The following LAMA5 variants were observed in gnomAD, a reference collection of about 807,000 sequenced individuals.
LAMA5 encodes laminin subunit alpha-5.
In LAMA5, 260 loss-of-function variants were observed where a neutral mutation model predicts 433.4. The ratio of observed to expected loss-of-function variants is 0.60; its 90% CI spans 0.54 to 0.66. LAMA5 has a LOEUF of 0.66. LAMA5 is among the 30% of genes least tolerant of loss of function. The pLI, the probability that LAMA5 is intolerant of heterozygous loss-of-function variation, is 0.00. For synonymous variants in LAMA5, 2,620 were observed against 2,226.6 expected, an observed-to-expected ratio of 1.18 and a Z score of -4.97; for missense variants, 5,378 against 5,258.5, an observed-to-expected ratio of 1.02 and a Z score of -0.70.
At chr20:62,320,090 G>A (rs1601309323) in intron 50 of LAMA5, among the ~76,000 whole-genome samples, 2 of 152,160 alleles carry the variant, frequency 1.3e-5, no homozygotes, top group Middle Eastern at 3.4e-3. Context: ...AGGCTGAGAT[G>A]GGCAGATCAC....
chr20:62,336,875 C>T, intron 16 of LAMA5, 89 bp from the exon 17 acceptor site: 5 of 1,340,120 alleles, frequency 3.7e-6, no homozygotes, highest in Non-Finnish European at 5.2e-6. Flanking sequence ...ACCCACGGTC[C>T]CACAGGAGCT....
chr20:62,343,115 CG>C (rs912231820), intron 11 of LAMA5, among the ~76,000 whole-genome samples: 35 of 152,316 alleles, frequency 2.3e-4, no homozygotes, highest in African/African-American at 8.2e-4. Context: ...CTCATGAATA[CG>C]CGTTCTATGG....
chr20:62,315,184 G>A lies in LAMA5; in HGVS notation c.7891C>T (p.His2631Tyr), dbSNP rs2146064384. ...DTDETSKKIA[H>Y]AKAVAAEAQD... ...GCTTCAGCAGCCACAGCCTTGGCAT[G>A]TGCGATCTTCTTGCTTGTCTCGTCT... The change falls in exon 59 of 80, where the codon CAT becomes TAT. Residue 2631 changes from histidine to tyrosine, a missense_variant. His to Tyr is a moderately conservative substitution (Grantham distance 83, BLOSUM62 2). Transcript: ENST00000252999. The A allele has an allele frequency of 6.2e-7, 1 of 1,609,526 alleles. No individual in the cohort carries two copies. The highest frequency in any genetic ancestry group is 8.5e-7 in the Non-Finnish European group (1 of 1,178,554).
rs761887962 is a variant in LAMA5 at position 62,310,897 on chromosome 20, C to T, written c.10281+5G>A. ...CCCACCACCTTCCTTCTTCTCGGCC[C>T]TCACCTTGTGCCAGCGGCCAGGCCG... On this transcript the variant is annotated splice_donor_5th_base_variant and intron_variant, in intron 74 of 79. Transcript: ENST00000252999. 1.5e-5 allele frequency: 24 copies of T among 1,609,866 alleles called. No homozygotes were observed. In the East Asian group the frequency reaches 4.7e-4, roughly 31 times the overall value.
chr20:62,355,898 C>G (rs1244434466), intron 2 of LAMA5, among the ~76,000 whole-genome samples: 1 of 152,154 alleles, frequency 6.6e-6, no homozygotes, highest in Non-Finnish European at 1.5e-5. Context: ...CCCCTCCCAC[C>G]AAAGGCTCCG....
Position 62,323,529 on chromosome 20 carries a change from G to A in LAMA5, c.5991C>T (p.His1997=), listed in dbSNP as rs893085724. 8 of 1,581,158 alleles carry A rather than the reference G, an allele frequency of 5.1e-6. No homozygotes were observed. The Middle Eastern group carries it at 6.7e-4, about 132-fold the overall frequency. ...AGATCTCGCAGCGGGGCCCAGTGGT[G>A]TGGCGCAGGCAGCCACGGCAGGCGC... ...LTGACRGCLR[H]TTGPRCEICA... is the part of the protein sequence containing the mutation. Residue 1997 remains histidine, a synonymous_variant, in exon 45 of 80, where the codon CAC becomes CAT. Transcript: ENST00000252999.
In LAMA5 at chr20:62,322,246, T is replaced by A. The variant is rs761984155; in HGVS notation, c.6346+23A>T. On this transcript the variant is annotated intron_variant, in intron 47 of 79. Transcript: ENST00000252999. ...CCCACTCAGAAGTCCCCATCCGCCC[T>A]CCTGTGACCGGCCAGCACTCACGCC... The A allele has an allele frequency of 3.8e-6, 6 of 1,571,628 alleles. No individual in the cohort carries two copies. In the South Asian group the frequency reaches 6.9e-5, roughly 18 times the overall value.
chr20:62,324,050 G>T lies in LAMA5; in HGVS notation c.5768+30C>A. ...GGGTGAAGGGAGCCTGGCACCATCAGGGCCTCGTCCCGGGAGGAGGCTGGC... is the reference window on the plus strand; with the variant it reads ...GGGTGAAGGGAGCCTGGCACCATCATGGCCTCGTCCCGGGAGGAGGCTGGC... On this transcript the variant is annotated intron_variant, in intron 43 of 79. Coordinates refer to ENST00000252999, the MANE Select transcript of LAMA5 (RefSeq NM_005560.6). This position sits in a 1 kb window ranked among gnomAD's most constrained non-coding sequence, Gnocchi z 4.4. The T allele has an allele frequency of 6.7e-7, 1 of 1,487,708 alleles. No individual in the cohort carries two copies. Among genetic ancestry groups the T allele is most frequent in the Non-Finnish European group, 8.9e-7 (1 of 1,121,658 alleles). The allele number at this position is 1,487,708 out of a possible 1,614,324, so 92.2% of individuals were successfully genotyped here.
At position 62,338,070 on chromosome 20, in the gene LAMA5, C is replaced by T. The variant is rs1472373472; in HGVS notation, c.1837G>A (p.Gly613Arg). ...GRCLCQPEFA[G>R]PHCDRCRPGY... Reference sequence around the variant, plus strand: ...GGGCGGCACCGGTCACAATGAGGTCCAGCAAACTCAGGCTGGCATAGGCAG... The same window carrying T: ...GGGCGGCACCGGTCACAATGAGGTCTAGCAAACTCAGGCTGGCATAGGCAG... The change falls in exon 14 of 80, where the codon GGA (glycine) becomes AGA (arginine). Residue 613 changes from glycine to arginine, a missense_variant. Gly to Arg is a moderately radical substitution (Grantham distance 125, BLOSUM62 -2). Transcript: ENST00000252999. 6 of 1,606,006 alleles carry T rather than the reference C, an allele frequency of 3.7e-6. No individual in the cohort carries two copies. The highest frequency in any genetic ancestry group is 1.3e-5 in the African/African-American group (1 of 74,932).
Position 62,328,900 on chromosome 20 carries a change from A to T in LAMA5, c.4391T>A (p.Ile1464Asn), listed in dbSNP as rs1008760665. The T allele has an allele frequency of 6.2e-7, 1 of 1,611,776 alleles. No individual in the cohort carries two copies. The highest frequency in any genetic ancestry group is 1.3e-5 in the African/African-American group (1 of 74,926). ...GGCACAGCGGGAGCAGTCACGGCCA[A>T]TGACATGGGCATGGCAGGGACACTG... Reference protein sequence around the residue: ...GGQCPCHAHVIGRDCSRCATG... With the variant: ...GGQCPCHAHVNGRDCSRCATG... The change falls in exon 34 of 80, where the codon ATT becomes AAT. Residue 1464 changes from isoleucine (I) to asparagine (N), a missense_variant. Transcript: ENST00000252999.
Position 62,320,639 on chromosome 20 carries a change from G to GGCGGGGGCC in LAMA5, c.6670_6678dup (p.Gly2224_Arg2226dup), listed in dbSNP as rs770156081. The stretch of plus-strand genomic sequence containing the variant: ...ACCTCCAGCTGCTGTGCCGTCTCAT[G>GGCGGGGGCC]GCGGGGGCCCAGGGGGCTCCGGAGC... On this transcript the variant is annotated inframe_insertion, in exon 50 of 80. Coordinates refer to ENST00000252999, the MANE Select transcript of LAMA5 (RefSeq NM_005560.6). 26 of 1,609,582 alleles carry GGCGGGGGCC rather than the reference G, an allele frequency of 1.6e-5. No homozygotes were observed. Among genetic ancestry groups the GGCGGGGGCC allele is most frequent in the Middle Eastern group, 1.7e-4 (1 of 6,046 alleles).
chr20:62,327,510 C>T lies in LAMA5; in HGVS notation c.4938+19G>A. The T allele has an allele frequency of 6.2e-7, 1 of 1,612,788 alleles. No individual in the cohort carries two copies. ...AAGACCTCCCCGAGAAGGCAATGCC[C>T]TCAGTCCTGCAGGCGCACCTCCTGG... On this transcript the variant is annotated intron_variant, in intron 37 of 79. Coordinates refer to ENST00000252999, the MANE Select transcript of LAMA5 (RefSeq NM_005560.6).
At chr20:62,328,493 C>A in intron 34 of LAMA5, 48 bp from the exon 35 acceptor site, 1 of 1,443,042 alleles carries the variant, frequency 6.9e-7, no homozygotes, top group Non-Finnish European at 9.2e-7. Flanking sequence ...CAGTCCCGCC[C>A]CTCTCAGAGG....
In LAMA5 at chr20:62,324,994, C is replaced by T; in HGVS notation, c.5529+322G>A. On this transcript the variant is annotated intron_variant, in intron 41 of 79. Transcript: ENST00000252999. This position sits in a 1 kb window ranked among gnomAD's most constrained non-coding sequence, Gnocchi z 4.4. ...GGCGAGGGATGGGCAGAATGACAGGCAGACGCCAGGATGGTCGGTGGGGGA... is the reference window on the plus strand; with the variant it reads ...GGCGAGGGATGGGCAGAATGACAGGTAGACGCCAGGATGGTCGGTGGGGGA... 2.4e-6 allele frequency: 1 copy of T among 413,224 alleles called. No homozygotes were observed. The highest frequency in any genetic ancestry group is 4.4e-6 in the Non-Finnish European group (1 of 226,228). 25.6% of individuals were successfully genotyped at this position (413,224 alleles called of 1,614,324 possible).
chr20:62,345,691 A>G, intron 11 of LAMA5, 127 bp downstream of exon 11: 2 of 705,258 alleles, frequency 2.8e-6, no homozygotes, highest in East Asian at 2.7e-5. Context: ...CATAATTTGC[A>G]TAAAAAGAAA....
rs575723901 is a variant in LAMA5, at chr20:62,337,951, A to G, written c.1892-13T>C. ...TCGCAGGTGCATGCTGCAGAGGGACAATGGGGTCAGGCCCTGGCGCCATGT... is the reference window on the plus strand; with the variant it reads ...TCGCAGGTGCATGCTGCAGAGGGACGATGGGGTCAGGCCCTGGCGCCATGT... On this transcript the variant is annotated splice_polypyrimidine_tract_variant and intron_variant, in intron 14 of 79. Transcript: ENST00000252999. 6.5e-5 allele frequency: 104 copies of G among 1,606,014 alleles called. No homozygotes were observed. In the South Asian group the frequency reaches 1.1e-3, roughly 17 times the overall value.
chr20:62,366,040 G>A (rs1986689271), intron 1 of LAMA5, among the ~76,000 whole-genome samples: 1 of 152,220 alleles, frequency 6.6e-6, no homozygotes, highest in South Asian at 2.1e-4. Context: ...GAAGGCAGAG[G>A]TACCAGGGAG....
rs770129988 is a variant in LAMA5 at position 62,333,486 on chromosome 20, A to AGGGTGG, written c.3022-11_3022-6dup. On this transcript the variant is annotated splice_region_variant and splice_polypyrimidine_tract_variant and intron_variant, in intron 24 of 79. Transcript: ENST00000252999. ...AGGCAGCAGAACCACGTAGTCCTGC[A>AGGGTGG]GGGTGGAGGTGGTGCTGAGAGTGGT... 9 of 1,609,982 alleles carry AGGGTGG rather than the reference A, an allele frequency of 5.6e-6. No homozygotes were observed. The South Asian group carries it at 7.7e-5, about 14-fold the overall frequency.
chr20:62,311,816 T>TTGCC, intron 70 of LAMA5, 32 bp from the exon 71 acceptor site: 27 of 1,520,978 alleles, frequency 1.8e-5, no homozygotes, highest in Middle Eastern at 2.0e-4. Context: ...GCTCGGTTTT[T>TTGCC]CCCCACCCTG....
Sources: allele counts gnomAD v4.1 joint callset (sites outside exome capture counted in the v4.1 genomes callset), GRCh38; gene constraint gnomAD v4.1.1; non-coding constraint Gnocchi (gnomAD v3.1); transcripts MANE v1.5; gene names NCBI Gene and HGNC (gene_info 2026-07-23, HGNC 2026-07-21).